Variants in PDF observed in about 807,000 individuals in gnomAD.
The protein encoded by PDF is peptide deformylase, mitochondrial.
In PDF, 31 loss-of-function variants were observed where a neutral mutation model predicts 20.3. That is an observed-to-expected ratio of 1.52 (90% CI 1.15 to 2.06). The LOEUF (loss-of-function observed/expected upper bound fraction) is 2.06, where lower values mean the gene tolerates loss of function less well. PDF is among the 30% of genes most tolerant of loss of function. PDF has a pLI of 0.00. For missense variants in PDF, 447 were observed against 362.5 expected (o/e 1.23, Z -1.89); for synonymous variants, 254 against 172.0 (o/e 1.48, Z -3.73).
Position 69,328,888 on chromosome 16 carries a change from T to C in PDF, c.*134A>G, listed in dbSNP as rs570012870. ...TTTCTGACATCTTCCTCCAGCTCAG[T>C]CTGCCATGCCTTGGCAATCCAGTTT... On this transcript the variant is annotated 3_prime_UTR_variant, in exon 2 of 2. Transcript: ENST00000288022. The C allele has an allele frequency of 8.6e-7, 1 of 1,156,672 alleles. No homozygotes were observed. Among genetic ancestry groups the C allele is most frequent in the Admixed American group, 2.6e-5 (1 of 38,268 alleles). The allele number at this position is 1,156,672 out of a possible 1,614,324, so 71.7% of individuals were successfully genotyped here.
intron 1 of PDF, 86 bp downstream of exon 1, chr16:69,329,911 A>C: frequency 7.8e-6 from 11 of 1,405,344 alleles, no homozygotes; most frequent in Non-Finnish European, 1.0e-5. Context: ...CCGGCGTATG[A>C]ACCGCGACCA....
At position 69,330,523 on chromosome 16, in the gene PDF, G is replaced by A. The variant is rs755605675; in HGVS notation, c.48C>T (p.Ala16=). 64 of 1,474,712 alleles carry A rather than the reference G, an allele frequency of 4.3e-5. No homozygotes were observed. Among genetic ancestry groups the A allele is most frequent in the Non-Finnish European group, 1.1e-5 (12 of 1,121,754 alleles). 91.4% of individuals were successfully genotyped at this position (1,474,712 alleles called of 1,614,324 possible). Residue 16 remains alanine (A), a synonymous_variant, in exon 1 of 2, where the codon GCC becomes GCT. Coordinates refer to ENST00000288022, the MANE Select transcript of PDF (RefSeq NM_022341.2). Reference sequence around the variant, plus strand: ...CGGCTGCCGCCCCGCCCCACGGCACGGCCGCCCACAGTGGCCAAAGACTCA... The same window carrying A: ...CGGCTGCCGCCCCGCCCCACGGCACAGCCGCCCACAGTGGCCAAAGACTCA... ...GALSLWPLWA[A]VPWGGAAAVG...
chr16:69,329,133 C>T lies in PDF; in HGVS notation c.621G>A (p.Trp207Ter), dbSNP rs1215066535. 5 of 1,608,790 alleles carry T rather than the reference C, an allele frequency of 3.1e-6. No individual in the cohort carries two copies. Among genetic ancestry groups the T allele is most frequent in the Non-Finnish European group, 4.2e-6 (5 of 1,179,022 alleles). The change falls in exon 2 of 2, where the codon TGG becomes TGA. Residue 207 changes from tryptophan (W) to a stop codon, truncating the protein, a stop_gained. Coordinates refer to ENST00000288022, the MANE Select transcript of PDF (RefSeq NM_022341.2). LOFTEE classifies it high-confidence loss of function. ...GEQVVWQASGWAARIIQHEMD... is the reference protein window; with the variant it reads ...GEQVVWQASG The stretch of plus-strand genomic sequence containing the variant: ...TCTCGTGCTGGATGATGCGGGCTGC[C>T]CACCCGCTCGCCTGCCACACCACCT...
intron 1 of PDF, 59 bp from the exon 2 acceptor site, chr16:69,329,238 C>T: frequency 6.8e-7 from 1 of 1,466,962 alleles, no homozygotes. Flanking sequence ...CATCCTCAAC[C>T]TCCCTACCCC....
Position 69,328,966 on chromosome 16 carries a change from A to C in PDF, c.*56T>G. On this transcript the variant is annotated 3_prime_UTR_variant, in exon 2 of 2. Coordinates refer to ENST00000288022, the MANE Select transcript of PDF (RefSeq NM_022341.2). ...ATGCCAAGTAAGATTTGCCCAGCTC[A>C]AAGTGAAAGTGTTTGCGTCTTGGTA... 1.9e-6 allele frequency: 3 copies of C among 1,570,232 alleles called. No individual in the cohort carries two copies. Among genetic ancestry groups the C allele is most frequent in the Non-Finnish European group, 2.6e-6 (3 of 1,167,684 alleles).
rs1337454306 is a variant in PDF at position 69,330,232 on chromosome 16, C to A, written c.339G>T (p.Ala113=). The change falls in exon 1 of 2, where the codon GCG becomes GCT. Residue 113 remains alanine, a synonymous_variant. Transcript: ENST00000288022. The part of the protein sequence containing the change: ...MRRRRCVGLS[A]PQLGVPRQVL... ...CCTGCCGCGGCACCCCCAGCTGCGG[C>A]GCGCTTAGGCCCACGCAGCGCCGCC... 5 of 1,449,930 alleles carry A rather than the reference C, an allele frequency of 3.4e-6. No individual in the cohort carries two copies. Among genetic ancestry groups the A allele is most frequent in the African/African-American group, 3.0e-5 (2 of 66,858 alleles). The allele number at this position is 1,449,930 out of a possible 1,614,324, so 89.8% of individuals were successfully genotyped here.
In PDF at chr16:69,327,160, C is replaced by CTTTTTTTTTTTT. The variant is rs1169149930; in HGVS notation, c.*1850_*1861dup. On this transcript the variant is annotated 3_prime_UTR_variant, in exon 2 of 2. Transcript: ENST00000288022. ...TGCACCAGTATCTGGTTGGGATTCC[C>CTTTTTTTTTTTT]TTTTTTTTTTTTTTTTTTTTTTTTT... is the stretch of plus-strand genomic sequence containing the variant. 2.2e-5 allele frequency: 2 copies of CTTTTTTTTTTTT among 91,584 alleles called. No individual in the cohort carries two copies. The highest frequency in any genetic ancestry group is 8.9e-5 in the African/African-American group (2 of 22,408). The allele number at this position is 91,584 out of a possible 1,614,324, so 5.7% of individuals were successfully genotyped here.
chr16:69,330,389 T>G lies in PDF; in HGVS notation c.182A>C (p.Glu61Ala). The G allele has an allele frequency of 6.8e-7, 1 of 1,479,346 alleles. No homozygotes were observed. The allele number at this position is 1,479,346 out of a possible 1,614,324, so 91.6% of individuals were successfully genotyped here. A position where few individuals can be genotyped will look rare whatever the true frequency, so the allele number is the denominator to read the frequency against. The change falls in exon 1 of 2, where the codon GAA becomes GCA. Residue 61 changes from glutamate to alanine, a missense_variant. By Grantham distance (107) the Glu-to-Ala change is moderately radical. Transcript: ENST00000288022. Reference sequence around the variant, plus strand: ...TTGGCACACGTGCGAGAACGGCGGTTCGGGAGGACCCAGCACCAGACGCCT... The same window carrying G: ...TTGGCACACGTGCGAGAACGGCGGTGCGGGAGGACCCAGCACCAGACGCCT... ...HLRRLVLGPP[E>A]PPFSHVCQVG...
At chr16:69,329,256 G>C (rs1006174174) in intron 1 of PDF, 77 bp from the exon 2 acceptor site, 1 of 1,410,854 alleles carries the variant, frequency 7.1e-7, no homozygotes, top group Non-Finnish European at 9.2e-7. Flanking sequence ...CCCTGCCCCC[G>C]GTCCTGGCTG....
Position 69,330,359 on chromosome 16 carries a change from C to T in PDF, c.212G>A (p.Gly71Glu). ...CGCCACGCCGCGCAGCACCGGGTCC[C>T]CGACTTGGCACACGTGCGAGAACGG... ...EPPFSHVCQV[G>E]DPVLRGVAAP... Residue 71 changes from glycine to glutamate, a missense_variant, in exon 1 of 2, where the codon GGG becomes GAG. By Grantham distance (98) the Gly-to-Glu change is moderately conservative (BLOSUM62 -2). Coordinates refer to ENST00000288022, the MANE Select transcript of PDF (RefSeq NM_022341.2). The T allele has an allele frequency of 8.1e-6, 12 of 1,476,590 alleles. No individual in the cohort carries two copies. The highest frequency in any genetic ancestry group is 9.8e-6 in the Non-Finnish European group (11 of 1,121,566). The allele number at this position is 1,476,590 out of a possible 1,614,324, so 91.5% of individuals were successfully genotyped here.
chr16:69,327,340 A>C lies in PDF; in HGVS notation c.*1682T>G, dbSNP rs150578971. 2 of 151,784 alleles carry C rather than the reference A, an allele frequency of 1.3e-5. No individual in the cohort carries two copies. Among genetic ancestry groups the C allele is most frequent in the African/African-American group, 2.4e-5 (1 of 41,300 alleles). 9.4% of individuals were successfully genotyped at this position (151,784 alleles called of 1,614,324 possible). ...CTACCAGCACACCCAGCTAATTTTC[A>C]TATTTTTAGTAGAAACAGTGTTTCG... On this transcript the variant is annotated 3_prime_UTR_variant, in exon 2 of 2. Transcript: ENST00000288022.
Position 69,330,403 on chromosome 16 carries a change from C to A in PDF, c.168G>T (p.Val56=). The change falls in exon 1 of 2, where the codon GTG becomes GTT. Residue 56 remains valine (V), a synonymous_variant. Coordinates refer to ENST00000288022, the MANE Select transcript of PDF (RefSeq NM_022341.2). The part of the protein sequence containing the change: ...RSYWRHLRRL[V]LGPPEPPFSH... ...AGAACGGCGGTTCGGGAGGACCCAG[C>A]ACCAGACGCCTCAGGTGGCGCCAAT... is the stretch of plus-strand genomic sequence containing the variant. 3.4e-6 allele frequency: 5 copies of A among 1,479,542 alleles called. No homozygotes were observed. The highest frequency in any genetic ancestry group is 4.5e-6 in the Non-Finnish European group (5 of 1,123,094). The allele number at this position is 1,479,542 out of a possible 1,614,324, so 91.7% of individuals were successfully genotyped here. A position where few individuals can be genotyped will look rare whatever the true frequency, so the allele number is the denominator to read the frequency against.
rs1287913688 is a variant in PDF at position 69,330,417 on chromosome 16, G to A, written c.154C>T (p.Leu52=). The change falls in exon 1 of 2, where the codon CTG becomes TTG. Residue 52 remains leucine (L), a synonymous_variant. Coordinates refer to ENST00000288022, the MANE Select transcript of PDF (RefSeq NM_022341.2). The part of the protein sequence containing the change: ...PALRRSYWRH[L]RRLVLGPPEP... Reference sequence around the variant, plus strand: ...GGAGGACCCAGCACCAGACGCCTCAGGTGGCGCCAATAGGAGCGCCGCAGC... The same window carrying A: ...GGAGGACCCAGCACCAGACGCCTCAAGTGGCGCCAATAGGAGCGCCGCAGC... 1 of 1,477,454 alleles carries A rather than the reference G, an allele frequency of 6.8e-7. No individual in the cohort carries two copies. The allele number at this position is 1,477,454 out of a possible 1,614,324, so 91.5% of individuals were successfully genotyped here. A position where few individuals can be genotyped will look rare whatever the true frequency, so the allele number is the denominator to read the frequency against.
In PDF at chr16:69,329,174, C is replaced by A; in HGVS notation, c.580G>T (p.Asp194Tyr). The change falls in exon 2 of 2, where the codon GAC (aspartate) becomes TAC (tyrosine). Residue 194 changes from aspartate (D) to tyrosine (Y), a missense_variant. Asp to Tyr is a radical substitution (Grantham distance 160). Transcript: ENST00000288022. Reference protein sequence around the residue: ...RFQAVQISGLDPNGEQVVWQA... With the variant: ...RFQAVQISGLYPNGEQVVWQA... ...CACACCACCTGTTCTCCATTGGGGT[C>A]CAGCCCTGCAAAGGAAGTTACAGCC... 6.3e-7 allele frequency: 1 copy of A among 1,596,694 alleles called. No individual in the cohort carries two copies. Among genetic ancestry groups the A allele is most frequent in the Non-Finnish European group, 8.5e-7 (1 of 1,174,376 alleles).
In PDF at chr16:69,328,763, CT is replaced by C. The variant is rs1965682196; in HGVS notation, c.*258del. ...AGACGAATGCAATTACCCCACCTTC[CT>C]CCATACAGAATTGTTAGGAAATGTC... On this transcript the variant is annotated 3_prime_UTR_variant, in exon 2 of 2. Transcript: ENST00000288022. 2.2e-6 allele frequency: 1 copy of C among 462,624 alleles called. No homozygotes were observed. The highest frequency in any genetic ancestry group is 2.7e-5 in the South Asian group (1 of 36,638). The allele number at this position is 462,624 out of a possible 1,614,324, so 28.7% of individuals were successfully genotyped here.
Position 69,329,104 on chromosome 16 carries a change from T to C in PDF, c.650A>G (p.Asp217Gly), listed in dbSNP as rs770766139. ...AATAAACAGGCAGCCCTGCAGGTGG[T>C]CCATCTCGTGCTGGATGATGCGGGC... ...WAARIIQHEM[D>G]HLQGCLFIDK... Residue 217 changes from aspartate (D) to glycine (G), a missense_variant, in exon 2 of 2, where the codon GAC becomes GGC. Asp to Gly is a moderately conservative substitution (Grantham distance 94). Coordinates refer to ENST00000288022, the MANE Select transcript of PDF (RefSeq NM_022341.2). 1.2e-6 allele frequency: 2 copies of C among 1,611,742 alleles called. No individual in the cohort carries two copies. The highest frequency in any genetic ancestry group is 1.7e-4 in the Middle Eastern group (1 of 6,056).
rs887547696 is a variant in PDF at position 69,330,043 on chromosome 16, G to C, written c.528C>G (p.Ala176=). ...VTFPEGCESV[A]GFLACVPRFQ... ...AGCGGGGCACGCAGGCCAGGAAGCC[G>C]GCGACGCTCTCGCAGCCCTCGGGAA... The change falls in exon 1 of 2, where the codon GCC becomes GCG. Residue 176 remains alanine (A), a synonymous_variant. Coordinates refer to ENST00000288022, the MANE Select transcript of PDF (RefSeq NM_022341.2). 2 of 1,549,236 alleles carry C rather than the reference G, an allele frequency of 1.3e-6. No individual in the cohort carries two copies. Among genetic ancestry groups the C allele is most frequent in the Non-Finnish European group, 1.7e-6 (2 of 1,147,962 alleles).
chr16:69,330,040 G>A lies in PDF; in HGVS notation c.531C>T (p.Gly177=), dbSNP rs1239358724. 3 of 1,547,844 alleles carry A rather than the reference G, an allele frequency of 1.9e-6. No homozygotes were observed. Among genetic ancestry groups the A allele is most frequent in the Admixed American group, 2.0e-5 (1 of 51,142 alleles). Residue 177 remains glycine (G), a synonymous_variant, in exon 1 of 2, where the codon GGC becomes GGT. Coordinates refer to ENST00000288022, the MANE Select transcript of PDF (RefSeq NM_022341.2). The stretch of plus-strand genomic sequence containing the variant: ...GGAAGCGGGGCACGCAGGCCAGGAA[G>A]CCGGCGACGCTCTCGCAGCCCTCGG... ...TFPEGCESVA[G]FLACVPRFQA... is the part of the protein sequence containing the mutation.
intron 1 of PDF, among the ~76,000 whole-genome samples, chr16:69,329,397 C>G (rs1459152551): frequency 1.3e-5 from 2 of 152,218 alleles, no homozygotes; most frequent in South Asian, 2.1e-4. Flanking sequence ...ATTAGGTTAT[C>G]GAGCTCACTG....
Sources: allele counts gnomAD v4.1 joint callset (sites outside exome capture counted in the v4.1 genomes callset), GRCh38; gene constraint gnomAD v4.1.1; transcripts MANE v1.5; gene names NCBI Gene and HGNC (gene_info 2026-07-23, HGNC 2026-07-21).